The following RNF213 variants were observed in gnomAD, a reference collection of about 807,000 sequenced individuals.
The protein encoded by RNF213 is E3 ubiquitin-protein ligase RNF213.
In RNF213, 341 loss-of-function variants were observed where a neutral mutation model predicts 514.4. The observed-to-expected ratio is 0.66, with a 90% CI of 0.61 to 0.73. RNF213 has a LOEUF of 0.73. Ranked by LOEUF, RNF213 falls within the 30% of genes least tolerant of loss-of-function variation. The pLI, the probability that RNF213 is intolerant of heterozygous loss-of-function variation, is 0.00. For synonymous variants in RNF213, 2,655 were observed against 2,658.2 expected (o/e 1.00, Z 0.04); for missense variants, 5,767 against 6,615.6 (o/e 0.87, Z 4.45).
In RNF213 at chr17:80,389,210, G is replaced by T; in HGVS notation, c.15038G>T (p.Gly5013Val). Residue 5013 changes from glycine (G) to valine (V), a missense_variant, in exon 65 of 68, where the codon GGA (glycine) becomes GTA (valine). By Grantham distance (109) the Gly-to-Val change is moderately radical. Coordinates refer to ENST00000582970, the MANE Select transcript of RNF213 (RefSeq NM_001256071.3). ...AGCTCGGTCATTAGTGCCATCAGTGGACAGCTGCAGTCCTACAGCGATGCC... is the reference window on the plus strand; with the variant it reads ...AGCTCGGTCATTAGTGCCATCAGTGTACAGCTGCAGTCCTACAGCGATGCC... Reference protein sequence around the residue: ...LPSSVISAISGQLQSYSDACE... With the variant: ...LPSSVISAISVQLQSYSDACE... 3 of 1,614,172 alleles carry T rather than the reference G, an allele frequency of 1.9e-6. No individual in the cohort carries two copies. The highest frequency in any genetic ancestry group is 1.7e-6 in the Non-Finnish European group (2 of 1,179,996).
At position 80,262,888 on chromosome 17, in the gene RNF213, C is replaced by T. The variant is rs969597785; in HGVS notation, c.-108-686C>T. 6.6e-5 allele frequency among the ~76,000 whole-genome samples: 10 copies of T among 152,290 alleles called. No individual in the cohort carries two copies. The South Asian group carries it at 8.3e-4, about 13-fold the overall frequency. On this transcript the variant is annotated intron_variant, in intron 1 of 67. Transcript: ENST00000582970. ...CTGAAGGCACCAGTCAGCTGCCGCT[C>T]CAGCCACTGCCCCAGTGGAGTTCTT... is the stretch of plus-strand genomic sequence containing the variant.
chr17:80,309,913 G>A (rs1422428557), intron 14 of RNF213, among the ~76,000 whole-genome samples: 2 of 151,612 alleles, frequency 1.3e-5, no homozygotes, highest in South Asian at 2.1e-4. Flanking sequence ...CTGCCACCAC[G>A]CCTGGCTAAT....
intron 23 of RNF213, chr17:80,336,758 G>C (rs147876946): frequency 5.7e-6 from 2 of 350,458 alleles, no homozygotes; most frequent in African/African-American, 4.3e-5. Context: ...TTTAAAATTA[G>C]CCAGGCATGG....
intron 59 of RNF213, among the ~76,000 whole-genome samples, chr17:80,384,635 G>A (rs1044871006): frequency 4.6e-5 from 7 of 152,176 alleles, no homozygotes; most frequent in African/African-American, 1.7e-4. Flanking sequence ...CTACGTCGAA[G>A]ATGCTTAGAT....
intron 3 of RNF213, among the ~76,000 whole-genome samples, chr17:80,276,744 CCAAAAG>C (rs2044071910): frequency 6.6e-6 from 1 of 152,034 alleles, no homozygotes; most frequent in Admixed American, 6.5e-5. Context: ...GGCAGTTGAT[CCAAAAG>C]TTACGCATAA....
intron 38 of RNF213, among the ~76,000 whole-genome samples, chr17:80,360,619 C>T (rs530311254): frequency 6.6e-6 from 1 of 152,138 alleles, no homozygotes; most frequent in Admixed American, 6.5e-5. Flanking sequence ...AAGGCACGAG[C>T]GCCTGGAGCA....
At chr17:80,285,014 C>T (rs75626741) in intron 3 of RNF213, among the ~76,000 whole-genome samples, 8,109 of 152,226 alleles carry the variant, frequency 0.053, 320 homozygotes, top group East Asian at 0.2. Flanking sequence ...ACCATGCAGC[C>T]GATAACAGGG....
Position 80,372,732 on chromosome 17 carries a change from C to A in RNF213, c.12749C>A (p.Pro4250Gln). Residue 4250 changes from proline (P) to glutamine (Q), a missense_variant and splice_region_variant, in exon 48 of 68, where the codon CCA becomes CAA. Transcript: ENST00000582970. ...ADFLSEPEGG[P>Q]EMAKEKQCYL... is the part of the protein sequence containing the mutation. ...TTCCTCTCGGAGCCTGAGGGAGGCC[C>A]AGGCAAGTCTTCTCTGCCTTGCTTT... 1 of 1,613,178 alleles carries A rather than the reference C, an allele frequency of 6.2e-7. No homozygotes were observed. Among genetic ancestry groups the A allele is most frequent in the Non-Finnish European group, 8.5e-7 (1 of 1,179,956 alleles).
rs558820863 is a variant in RNF213, at chr17:80,395,864, C to T, written c.*2366C>T. On this transcript the variant is annotated 3_prime_UTR_variant, in exon 68 of 68. Coordinates refer to ENST00000582970, the MANE Select transcript of RNF213 (RefSeq NM_001256071.3). ...GAAGAGGAGGCATGCTGGCCTGCAC[C>T]GGAAGACTCACTTTGTCTGCCCTGC... is the stretch of plus-strand genomic sequence containing the variant. 4.6e-5 allele frequency: 7 copies of T among 152,302 alleles called. No individual in the cohort carries two copies. Among genetic ancestry groups the T allele is most frequent in the South Asian group, 2.1e-4 (1 of 4,822 alleles). 9.4% of individuals were successfully genotyped at this position (152,302 alleles called of 1,614,324 possible). A position where few individuals can be genotyped will look rare whatever the true frequency, so the allele number is the denominator to read the frequency against.
chr17:80,346,979 G>T lies in RNF213; in HGVS notation c.8644G>T (p.Val2882Leu), dbSNP rs373512045. 1 of 1,613,768 alleles carries T rather than the reference G, an allele frequency of 6.2e-7. No individual in the cohort carries two copies. Among genetic ancestry groups the T allele is most frequent in the Non-Finnish European group, 8.5e-7 (1 of 1,179,834 alleles). ...CGCCCCCCACAAAAAGGTCGGCTTC[G>T]TGGGCATCTCCAACTGGGCCCTTGA... The part of the protein sequence containing the change: ...DPAPHKKVGF[V>L]GISNWALDPA... Residue 2882 changes from valine to leucine, a missense_variant, in exon 29 of 68, where the codon GTG becomes TTG. By Grantham distance (32) the Val-to-Leu change is conservative. Transcript: ENST00000582970. This position sits in a 1 kb window ranked among gnomAD's most constrained non-coding sequence, Gnocchi z 8.1.
intron 3 of RNF213, among the ~76,000 whole-genome samples, chr17:80,275,807 C>T (rs922345182): frequency 1.1e-4 from 17 of 152,004 alleles, no homozygotes; most frequent in East Asian, 1.9e-4. Flanking sequence ...GGACTACAGG[C>T]ACCCGCCACC....
At position 80,346,056 on chromosome 17, in the gene RNF213, G is replaced by A. The variant is rs760391468; in HGVS notation, c.7721G>A (p.Ser2574Asn). The A allele has an allele frequency of 1.9e-5, 30 of 1,614,054 alleles. No individual in the cohort carries two copies. The highest frequency in any genetic ancestry group is 6.6e-5 in the South Asian group (6 of 91,090). ...LVYRVHALPPSLIPLVWDFGQ... is the reference protein window; with the variant it reads ...LVYRVHALPPNLIPLVWDFGQ... Reference sequence around the variant, plus strand: ...TACCGGGTCCATGCTCTGCCCCCGAGCCTGATTCCTCTGGTGTGGGACTTT... The same window carrying A: ...TACCGGGTCCATGCTCTGCCCCCGAACCTGATTCCTCTGGTGTGGGACTTT... The change falls in exon 29 of 68, where the codon AGC becomes AAC. Residue 2574 changes from serine (S) to asparagine (N), a missense_variant. Ser to Asn is a conservative substitution (Grantham distance 46). Around this residue, in one of 13 missense-constraint regions of RNF213, gnomAD observed 1,377 missense variants for 1,635.2 expected, o/e 0.84. Transcript: ENST00000582970. This position sits in a 1 kb window ranked among gnomAD's most constrained non-coding sequence, Gnocchi z 8.1.
chr17:80,351,736 C>T lies in RNF213; in HGVS notation c.10236C>T (p.Ile3412=), dbSNP rs2078525594. The change falls in exon 32 of 68, where the codon ATC becomes ATT. Residue 3412 remains isoleucine, a synonymous_variant. Coordinates refer to ENST00000582970, the MANE Select transcript of RNF213 (RefSeq NM_001256071.3). ...AAATACGAGAAAATGAGGACCGTAT[C>T]TTCGTCTATTTCATCACAAAACTGT... ...INKIRENEDR[I]FVYFITKLSR... is the part of the protein sequence containing the mutation. 6.2e-7 allele frequency: 1 copy of T among 1,612,890 alleles called. No homozygotes were observed. The highest frequency in any genetic ancestry group is 1.7e-5 in the Admixed American group (1 of 60,000).
chr17:80,351,681 A>C lies in RNF213; in HGVS notation c.10185-4A>C. 1 of 1,406,204 alleles carries C rather than the reference A, an allele frequency of 7.1e-7. No homozygotes were observed. Among genetic ancestry groups the C allele is most frequent in the Non-Finnish European group, 1.0e-6 (1 of 994,314 alleles). The allele number at this position is 1,406,204 out of a possible 1,614,324, so 87.1% of individuals were successfully genotyped here. ...TAGGTATTCTTTTTTTTTTCTTTAAATAGGTATTCTGTTATAAATGAAATC... is the reference window on the plus strand; with the variant it reads ...TAGGTATTCTTTTTTTTTTCTTTAACTAGGTATTCTGTTATAAATGAAATC... On this transcript the variant is annotated splice_polypyrimidine_tract_variant and splice_region_variant and intron_variant, in intron 31 of 67. Coordinates refer to ENST00000582970, the MANE Select transcript of RNF213 (RefSeq NM_001256071.3).
chr17:80,363,400 C>A, intron 40 of RNF213, 86 bp downstream of exon 40: 1 of 1,414,220 alleles, frequency 7.1e-7, no homozygotes, highest in Non-Finnish European at 9.9e-7. Flanking sequence ...GGGCTGTGTT[C>A]CAAGTGGGAG....
chr17:80,390,786 G>T (rs1457692456), intron 67 of RNF213, among the ~76,000 whole-genome samples: 1 of 152,186 alleles, frequency 6.6e-6, no homozygotes, highest in African/African-American at 2.4e-5. Flanking sequence ...ATCCTAGGCC[G>T]GGTGTGGAGG....
In RNF213 at chr17:80,360,052, T is replaced by C. The variant is rs776228650; in HGVS notation, c.11055-9T>C. 2.5e-6 allele frequency: 4 copies of C among 1,614,064 alleles called. No individual in the cohort carries two copies. The highest frequency in any genetic ancestry group is 2.5e-6 in the Non-Finnish European group (3 of 1,179,950). On this transcript the variant is annotated splice_polypyrimidine_tract_variant and intron_variant, in intron 37 of 67. Coordinates refer to ENST00000582970, the MANE Select transcript of RNF213 (RefSeq NM_001256071.3). ...AACCCTCTTCTTATCATCCCTCACC[T>C]TATTGCAGACATAAAGGTGAGATGG...
At chr17:80,362,726 C>T (rs2079101185) in intron 39 of RNF213, among the ~76,000 whole-genome samples, 1 of 152,224 alleles carries the variant, frequency 6.6e-6, no homozygotes. Context: ...ATATTTGGTT[C>T]ACAGGGATGT....
chr17:80,330,179 G>A (rs186197293), intron 20 of RNF213, among the ~76,000 whole-genome samples: 2 of 152,252 alleles, frequency 1.3e-5, no homozygotes, highest in East Asian at 3.9e-4. Flanking sequence ...TCTTGTTCAC[G>A]TTGCAGCATC....
Sources: gnomAD v4.1 joint callset for allele counts (sites outside exome capture counted in the v4.1 genomes callset) on GRCh38, gnomAD v4.1.1 for gene constraint, gnomAD v4.1.1 regional missense constraint, Gnocchi (gnomAD v3.1) non-coding constraint, MANE v1.5 for transcripts, NCBI Gene and HGNC (gene_info 2026-07-23, HGNC 2026-07-21) for gene names.